The following TRIP4 variants were observed in gnomAD, a reference collection of about 807,000 sequenced individuals.
TRIP4 encodes the protein activating signal cointegrator 1.
Under a neutral mutation model 81.8 loss-of-function variants are expected in TRIP4, and 54 were observed. The ratio of observed to expected loss-of-function variants is 0.66; its 90% confidence interval spans 0.53 to 0.83. The LOEUF (loss-of-function observed/expected upper bound fraction) is 0.83. Ranked by LOEUF, TRIP4 falls within the 40% of genes least tolerant of loss-of-function variation. The pLI is 0.00. For synonymous variants in TRIP4, 270 were observed against 242.8 expected, an observed-to-expected ratio of 1.11 and a Z score of -1.04; for missense variants, 662 against 683.6, an observed-to-expected ratio of 0.97 and a Z score of 0.35.
At chr15:64,390,428 T>C (rs1180087536) in intron 1 of TRIP4, among the ~76,000 whole-genome samples, 1 of 150,428 alleles carries the variant, frequency 6.6e-6, no homozygotes, top group Non-Finnish European at 1.5e-5. Context: ...ACCACTGCAC[T>C]CCATCCTGGG....
At chr15:64,392,139 A>G (rs898726609) in intron 1 of TRIP4, among the ~76,000 whole-genome samples, 11 of 150,556 alleles carry the variant, frequency 7.3e-5, no homozygotes, top group African/African-American at 2.2e-4. Context: ...AAAACAAAAC[A>G]AAACAAAAAT....
intron 2 of TRIP4, among the ~76,000 whole-genome samples, chr15:64,394,740 G>A (rs1041672779): frequency 6.6e-6 from 1 of 152,154 alleles, no homozygotes; most frequent in African/African-American, 2.4e-5. Context: ...TAAGTAAAGT[G>A]TTGATTGACT....
At chr15:64,449,212 T>TA (rs35793760) in intron 12 of TRIP4, among the ~76,000 whole-genome samples, 59 of 144,802 alleles carry the variant, frequency 4.1e-4, no homozygotes, top group Admixed American at 6.2e-4. Flanking sequence ...ACCCTGTCTC[T>TA]AAAAAAAAAA....
chr15:64,413,998 T>C lies in TRIP4; in HGVS notation c.1044-87T>C, dbSNP rs1055121125. 2.7e-6 allele frequency: 4 copies of C among 1,475,962 alleles called. No individual in the cohort carries two copies. The African/African-American group carries it at 4.2e-5, about 16-fold the overall frequency. The allele number at this position is 1,475,962 out of a possible 1,614,324, so 91.4% of individuals were successfully genotyped here. On this transcript the variant is annotated intron_variant, in intron 7 of 12. Transcript: ENST00000261884. ...ACTCCTCTTTATATTCCAAATTTTA[T>C]TACTATTAAAGCATTTTATGTTGGT...
At chr15:64,407,003 G>T (rs999945919) in intron 6 of TRIP4, among the ~76,000 whole-genome samples, 7 of 151,932 alleles carry the variant, frequency 4.6e-5, no homozygotes, top group African/African-American at 1.7e-4. Context: ...TTCTGTTTAG[G>T]AGATAGATTT....
At chr15:64,415,793 C>T (rs947324322) in intron 8 of TRIP4, among the ~76,000 whole-genome samples, 2 of 152,194 alleles carry the variant, frequency 1.3e-5, no homozygotes, top group African/African-American at 4.8e-5. Context: ...CAACCCAGTA[C>T]AGTAAGCAAC....
intron 12 of TRIP4, among the ~76,000 whole-genome samples, chr15:64,449,212 TA>T (rs35793760): frequency 0.11 from 15,537 of 144,710 alleles, 2,043 homozygotes; most frequent in East Asian, 0.78. Context: ...ACCCTGTCTC[TA>T]AAAAAAAAAA....
intron 11 of TRIP4, among the ~76,000 whole-genome samples, chr15:64,443,657 T>C (rs1015928539): frequency 6.6e-6 from 1 of 152,214 alleles, no homozygotes; most frequent in Non-Finnish European, 1.5e-5. Flanking sequence ...TTTGTATCTG[T>C]AGCCTTACTT....
chr15:64,417,549 TG>T (rs1288128713), intron 8 of TRIP4, among the ~76,000 whole-genome samples: 1 of 152,248 alleles, frequency 6.6e-6, no homozygotes, highest in Non-Finnish European at 1.5e-5. Flanking sequence ...ATCGTTGCTC[TG>T]GAAGAAACAT....
At chr15:64,443,296 G>C (rs1358455913) in intron 11 of TRIP4, among the ~76,000 whole-genome samples, 5 of 152,216 alleles carry the variant, frequency 3.3e-5, no homozygotes, top group Non-Finnish European at 2.9e-5. Flanking sequence ...GATTGATCCA[G>C]TAGAGAGGCA....
At chr15:64,427,623 G>A (rs1021655409) in intron 11 of TRIP4, among the ~76,000 whole-genome samples, 5 of 152,154 alleles carry the variant, frequency 3.3e-5, no homozygotes, top group African/African-American at 1.2e-4. Flanking sequence ...TGATCCACCT[G>A]CCTCAGCTTC....
chr15:64,395,397 G>C lies in TRIP4; in HGVS notation c.272-1G>C. ...GTATTTTTTTTTTTCTATCTTTAAA[G>C]AAATTTTAGATGGGCAGAAATCAGG... On this transcript the variant is annotated splice_acceptor_variant, in intron 2 of 12. Transcript: ENST00000261884. LOFTEE classifies it high-confidence loss of function. The C allele has an allele frequency of 6.3e-7, 1 of 1,593,766 alleles. No homozygotes were observed. Among genetic ancestry groups the C allele is most frequent in the Non-Finnish European group, 8.5e-7 (1 of 1,173,480 alleles).
rs1011680266 is a variant in TRIP4, at chr15:64,434,392, T to C, written c.1575+8761T>C. On this transcript the variant is annotated intron_variant, in intron 11 of 12. Coordinates refer to ENST00000261884, the MANE Select transcript of TRIP4 (RefSeq NM_016213.5). ...CCAGCCTGGGCAACAAGAGTGAAAC[T>C]CCGTCTCAAGAAAAAAAAAAAAAAA... Among the ~76,000 whole-genome samples the C allele has an allele frequency of 4.6e-3, 553 of 119,626 alleles. 7 individuals are homozygous for C. The highest frequency in any genetic ancestry group is 0.016 in the African/African-American group (524 of 32,134). The allele number at this position is 119,626 out of a possible 152,430, so 78.5% of individuals were successfully genotyped here.
rs201053504 is a variant in TRIP4, at chr15:64,424,028, A to G, written c.1359-3A>G. 1 of 1,613,952 alleles carries G rather than the reference A, an allele frequency of 6.2e-7. No individual in the cohort carries two copies. The highest frequency in any genetic ancestry group is 8.5e-7 in the Non-Finnish European group (1 of 1,179,970). On this transcript the variant is annotated splice_polypyrimidine_tract_variant and splice_region_variant and intron_variant, in intron 9 of 12. Transcript: ENST00000261884. Reference sequence around the variant, plus strand: ...CTTCCCACTAAATTTCTATTTGTTTAAGGGTGGAGGGCAGATCCTGGTACA... The same window carrying G: ...CTTCCCACTAAATTTCTATTTGTTTGAGGGTGGAGGGCAGATCCTGGTACA...
chr15:64,399,287 G>A (rs959478288), intron 4 of TRIP4, among the ~76,000 whole-genome samples: 3 of 151,850 alleles, frequency 2.0e-5, no homozygotes, highest in African/African-American at 7.3e-5. Context: ...AGAATAAGCT[G>A]ATAGACAATG....
intron 10 of TRIP4, among the ~76,000 whole-genome samples, chr15:64,424,913 C>A (rs554406275): frequency 6.6e-5 from 10 of 152,188 alleles, no homozygotes; most frequent in African/African-American, 2.4e-4. Context: ...GTAGCTGGGA[C>A]CACAGGCGCA....
At chr15:64,436,762 C>G in intron 11 of TRIP4, among the ~76,000 whole-genome samples, 1 of 8,988 alleles carries the variant, frequency 1.1e-4, no homozygotes, top group African/African-American at 1.6e-4. Flanking sequence ...ACCATCTATG[C>G]CTTTTTTTTT....
At chr15:64,438,766 CT>C (rs1207428588) in intron 11 of TRIP4, among the ~76,000 whole-genome samples, 1 of 152,110 alleles carries the variant, frequency 6.6e-6, no homozygotes, top group Non-Finnish European at 1.5e-5. Flanking sequence ...TGTTTGAGTT[CT>C]TTTATGTGGA....
chr15:64,444,779 C>T (rs1414692892), intron 11 of TRIP4: 3 of 164,936 alleles, frequency 1.8e-5, no homozygotes, highest in Non-Finnish European at 3.4e-5. Flanking sequence ...TGAAGTTGTT[C>T]CCACTATAGG....
Sources: gnomAD v4.1 joint callset for allele counts (sites outside exome capture counted in the v4.1 genomes callset) on GRCh38, gnomAD v4.1.1 for gene constraint, MANE v1.5 for transcripts, NCBI Gene and HGNC (gene_info 2026-07-23, HGNC 2026-07-21) for gene names.